The following ANKS1B variants were observed in gnomAD, a reference collection of about 807,000 sequenced individuals.
ANKS1B encodes ankyrin repeat and sterile alpha motif domain-containing protein 1B.
Under a neutral mutation model 148.3 loss-of-function variants are expected in ANKS1B, and 36 were observed. The observed-to-expected ratio is 0.24, with a 90% confidence interval of 0.19 to 0.32. The LOEUF (loss-of-function observed/expected upper bound fraction) is 0.32, where lower values mean the gene tolerates loss of function less well. Ranked by LOEUF, ANKS1B falls within the 10% of genes least tolerant of loss-of-function variation. The probability of loss-of-function intolerance (pLI) is 1.00; values close to 1 mark genes in which losing one functional copy is unlikely to be tolerated. For synonymous variants in ANKS1B, 542 were observed against 560.8 expected (o/e 0.97, Z 0.47); for missense variants, 1,157 against 1,542.6 (o/e 0.75, Z 4.19).
intron 14 of ANKS1B, among the ~76,000 whole-genome samples, chr12:99,159,568 T>A (rs548959788): frequency 6.6e-6 from 1 of 152,330 alleles, no homozygotes; most frequent in Admixed American, 6.5e-5. Flanking sequence ...TTTTTTCTTT[T>A]TTTATGGATG....
rs147131311 is a variant in ANKS1B at position 98,945,820 on chromosome 12, T to G, written c.2778+107337A>C. 7.9e-5 allele frequency among the ~76,000 whole-genome samples: 12 copies of G among 152,334 alleles called. No homozygotes were observed. In the East Asian group the frequency reaches 1.5e-3, roughly 20 times the overall value. ...CAAGGCCAATAAATCATAAAGCTCATGTGCTACTGAATTCAGCACTTCACC... is the reference window on the plus strand; with the variant it reads ...CAAGGCCAATAAATCATAAAGCTCAGGTGCTACTGAATTCAGCACTTCACC... On this transcript the variant is annotated intron_variant, in intron 17 of 26. Transcript: ENST00000683438.
At chr12:99,676,758 T>C (rs1255450870) in intron 8 of ANKS1B, among the ~76,000 whole-genome samples, 1 of 152,172 alleles carries the variant, frequency 6.6e-6, no homozygotes, top group East Asian at 1.9e-4. Context: ...ACTAAATATA[T>C]CTCCAAGTTT....
At chr12:99,434,799 T>G (rs185587541) in intron 11 of ANKS1B, among the ~76,000 whole-genome samples, 2 of 152,030 alleles carry the variant, frequency 1.3e-5, no homozygotes, top group Non-Finnish European at 2.9e-5. Context: ...TCAGGCTGTC[T>G]AGACATGCTC....
intron 2 of ANKS1B, among the ~76,000 whole-genome samples, chr12:99,813,716 AT>A (rs2068727701): frequency 6.6e-6 from 1 of 151,798 alleles, no homozygotes; most frequent in Non-Finnish European, 1.5e-5. Flanking sequence ...TTGTAGAAAT[AT>A]TTAGAATCCA....
intron 15 of ANKS1B, among the ~76,000 whole-genome samples, chr12:99,136,235 A>T (rs1209949187): frequency 6.6e-6 from 1 of 152,132 alleles, no homozygotes; most frequent in Non-Finnish European, 1.5e-5. Context: ...TTCATTCTTG[A>T]TACGGCTTCC....
rs1030235751 is a variant in ANKS1B at position 99,295,565 on chromosome 12, A to G, written c.1757-48701T>C. Among the ~76,000 whole-genome samples, 3 of 152,156 alleles carry G rather than the reference A, an allele frequency of 2.0e-5. 1 individual carries two copies. In the South Asian group the frequency reaches 6.2e-4, roughly 32 times the overall value. Reference sequence around the variant, plus strand: ...GTTCTTAATTTTGATTAAGTTCAATATATCAAATTTTTCTTTTATGGATTA... The same window carrying G: ...GTTCTTAATTTTGATTAAGTTCAATGTATCAAATTTTTCTTTTATGGATTA... On this transcript the variant is annotated intron_variant, in intron 12 of 26. Transcript: ENST00000683438.
chr12:99,517,960 G>C (rs947515105), intron 9 of ANKS1B, among the ~76,000 whole-genome samples: 3 of 152,044 alleles, frequency 2.0e-5, no homozygotes, highest in Non-Finnish European at 4.4e-5. Flanking sequence ...TGCTTTTTCA[G>C]CATCAATTGA....
intron 22 of ANKS1B, among the ~76,000 whole-genome samples, chr12:98,792,983 T>C (rs908703902): frequency 5.3e-5 from 8 of 152,200 alleles, no homozygotes; most frequent in African/African-American, 1.9e-4. Flanking sequence ...ATATACCCAA[T>C]AGTGGGATTG....
At chr12:99,924,017 T>C (rs2094428445) in intron 1 of ANKS1B, among the ~76,000 whole-genome samples, 2 of 152,134 alleles carry the variant, frequency 1.3e-5, no homozygotes, top group South Asian at 4.1e-4. Flanking sequence ...TTGTATATTA[T>C]TTAATACTTT....
intron 16 of ANKS1B, among the ~76,000 whole-genome samples, chr12:99,078,985 A>G (rs977565915): frequency 1.3e-5 from 2 of 152,168 alleles, no homozygotes; most frequent in African/African-American, 2.4e-5. Context: ...GAGATGCTCT[A>G]TGTGGTGACA....
intron 17 of ANKS1B, among the ~76,000 whole-genome samples, chr12:98,906,532 G>A (rs1456234): frequency 0.1 from 15,347 of 152,224 alleles, 919 homozygotes; most frequent in Middle Eastern, 0.17. Context: ...CCGTGTCTCT[G>A]CCTTGGCATG....
chr12:98,968,564 A>T (rs1359704481), intron 17 of ANKS1B, among the ~76,000 whole-genome samples: 2 of 152,202 alleles, frequency 1.3e-5, no homozygotes, highest in Non-Finnish European at 2.9e-5. Context: ...TTTAGAGAAG[A>T]ATGAAAAACG....
chr12:99,419,282 T>C (rs960143692), intron 11 of ANKS1B, among the ~76,000 whole-genome samples: 1 of 152,232 alleles, frequency 6.6e-6, no homozygotes, highest in Non-Finnish European at 1.5e-5. Context: ...TTCCATTTCA[T>C]TAATAGTTGT....
In ANKS1B at chr12:98,850,992, G is replaced by A. The variant is rs548263993; in HGVS notation, c.2779-18856C>T. 2.0e-5 allele frequency among the ~76,000 whole-genome samples: 3 copies of A among 152,256 alleles called. No homozygotes were observed. In the South Asian group the frequency reaches 6.2e-4, roughly 32 times the overall value. On this transcript the variant is annotated intron_variant, in intron 17 of 26. Coordinates refer to ENST00000683438, the MANE Select transcript of ANKS1B (RefSeq NM_001352186.2). Reference sequence around the variant, plus strand: ...TTATTAAAGAACCGCAGCATGTTTTGTAAAAGTTGGTCACTGAGTCTTTGA... The same window carrying A: ...TTATTAAAGAACCGCAGCATGTTTTATAAAAGTTGGTCACTGAGTCTTTGA...
chr12:99,914,515 T>C (rs892946380), intron 1 of ANKS1B, among the ~76,000 whole-genome samples: 2 of 152,162 alleles, frequency 1.3e-5, no homozygotes, highest in Non-Finnish European at 2.9e-5. Flanking sequence ...ATTCAGGGCA[T>C]GCTGTAAAAG....
intron 9 of ANKS1B, among the ~76,000 whole-genome samples, chr12:99,635,514 T>C (rs764973956): frequency 6.6e-6 from 1 of 152,110 alleles, no homozygotes; most frequent in Non-Finnish European, 1.5e-5. Flanking sequence ...AAGATAAATA[T>C]TGTATGATTC....
In ANKS1B at chr12:98,894,380, G is replaced by T. The variant is rs535104013; in HGVS notation, c.2779-62244C>A. The stretch of plus-strand genomic sequence containing the variant: ...AATGAGGAAAGGAAATGGAAAATGC[G>T]CTTAACCCGGGGGTGGTGGGGGAAT... On this transcript the variant is annotated intron_variant, in intron 17 of 26. Coordinates refer to ENST00000683438, the MANE Select transcript of ANKS1B (RefSeq NM_001352186.2). 2.5e-3 allele frequency among the ~76,000 whole-genome samples: 374 copies of T among 148,974 alleles called. 1 individual carries two copies. The highest frequency in any genetic ancestry group is 4.0e-3 in the Non-Finnish European group (267 of 67,440).
In ANKS1B at chr12:99,244,407, T is replaced by C; in HGVS notation, c.2354A>G (p.Lys785Arg). Residue 785 changes from lysine (K) to arginine (R), a missense_variant, in exon 14 of 27, where the codon AAA (lysine) becomes AGA (arginine). Physicochemically the swap from Lys to Arg is conservative, Grantham distance 26. Transcript: ENST00000683438. ...SFTSEWEEIDKIMSSIDVGIN... is the reference protein window; with the variant it reads ...SFTSEWEEIDRIMSSIDVGIN... ...TCCAACATCTATGGAACTCATTATT[T>C]TGTCAATCTGTAAGAAACAAAAACC... 6.2e-7 allele frequency: 1 copy of C among 1,602,322 alleles called. No individual in the cohort carries two copies. Among genetic ancestry groups the C allele is most frequent in the Non-Finnish European group, 8.5e-7 (1 of 1,175,006 alleles).
chr12:99,472,632 CAGA>C (rs1222392585), intron 10 of ANKS1B, among the ~76,000 whole-genome samples: 2 of 151,962 alleles, frequency 1.3e-5, no homozygotes, highest in Admixed American at 6.6e-5. Context: ...TAGCTAGACA[CAGA>C]AGGAGGAAAA....
Sources: allele counts gnomAD v4.1 joint callset (sites outside exome capture counted in the v4.1 genomes callset), GRCh38; gene constraint gnomAD v4.1.1; transcripts MANE v1.5; gene names NCBI Gene and HGNC (gene_info 2026-07-23, HGNC 2026-07-21).